Variants in RBFOX3 observed in about 807,000 individuals in gnomAD.
RBFOX3 encodes the protein RNA binding protein fox-1 homolog 3.
In RBFOX3, 17 loss-of-function variants were observed where a neutral mutation model predicts 48.7. The observed-to-expected ratio is 0.35, with a 90% CI of 0.24 to 0.52. The LOEUF (loss-of-function observed/expected upper bound fraction) is 0.52. RBFOX3 is among the 20% of genes least tolerant of loss of function. The pLI is 0.94. For synonymous variants in RBFOX3, 212 were observed against 209.5 expected (o/e 1.01, Z -0.10); for missense variants, 382 against 497.5 (o/e 0.77, Z 2.21).
chr17:79,308,587 C>T (rs1485428237), intron 2 of RBFOX3, among the ~76,000 whole-genome samples: 1 of 152,084 alleles, frequency 6.6e-6, no homozygotes, highest in East Asian at 1.9e-4. Context: ...TGCCATGGTC[C>T]GAGTGTTTCT....
intron 2 of RBFOX3, among the ~76,000 whole-genome samples, chr17:79,414,442 C>A (rs1010215476): frequency 6.6e-6 from 1 of 152,216 alleles, no homozygotes; most frequent in Non-Finnish European, 1.5e-5. Flanking sequence ...CCCCACAAAG[C>A]CCCTCAGCGT....
At chr17:79,589,946 C>G (rs2093368610) in intron 1 of RBFOX3, among the ~76,000 whole-genome samples, 1 of 152,110 alleles carries the variant, frequency 6.6e-6, no homozygotes, top group South Asian at 2.1e-4. Context: ...GAAAATGAAG[C>G]CCTCAGATTA....
At chr17:79,490,847 C>T (rs2149587412) in intron 1 of RBFOX3, among the ~76,000 whole-genome samples, 1 of 150,984 alleles carries the variant, frequency 6.6e-6, no homozygotes, top group Non-Finnish European at 1.5e-5. Flanking sequence ...GCTAAGCCAT[C>T]GAGAATGGTG....
At chr17:79,514,583 C>A (rs1387379298) in intron 1 of RBFOX3, among the ~76,000 whole-genome samples, 1 of 152,218 alleles carries the variant, frequency 6.6e-6, no homozygotes, top group Non-Finnish European at 1.5e-5. Flanking sequence ...TTTGTGGCCA[C>A]TGCCCGACAG....
chr17:79,423,126 G>A lies in RBFOX3; in HGVS notation c.-175+59328C>T, dbSNP rs1449587569. The stretch of plus-strand genomic sequence containing the variant: ...TCTCCTTCCAGACTCCAGACTCTTG[G>A]GTCCAGTGGCCAACTAGTCACCCCC... On this transcript the variant is annotated intron_variant, in intron 2 of 14. Coordinates refer to ENST00000693108, the MANE Select transcript of RBFOX3 (RefSeq NM_001350451.2). This position sits in a 1 kb window ranked among gnomAD's most constrained non-coding sequence, Gnocchi z 4.9. Among the ~76,000 whole-genome samples the A allele has an allele frequency of 6.6e-6, 1 of 152,068 alleles. No homozygotes were observed. The highest frequency in any genetic ancestry group is 1.5e-5 in the Non-Finnish European group (1 of 67,998).
intron 1 of RBFOX3, among the ~76,000 whole-genome samples, chr17:79,503,531 G>A (rs1338921138): frequency 6.6e-6 from 1 of 152,144 alleles, no homozygotes; most frequent in East Asian, 1.9e-4. Context: ...CCTCTGCCTC[G>A]CACGTGGTCT....
chr17:79,186,635 C>T (rs1360146986), intron 4 of RBFOX3, among the ~76,000 whole-genome samples: 5 of 151,980 alleles, frequency 3.3e-5, no homozygotes, highest in East Asian at 1.9e-4. Context: ...AGGGAGGCTG[C>T]GTGCTGGGAA....
intron 2 of RBFOX3, among the ~76,000 whole-genome samples, chr17:79,453,881 G>A (rs1362538104): frequency 1.3e-5 from 2 of 152,162 alleles, no homozygotes; most frequent in Non-Finnish European, 2.9e-5. Context: ...GGAGAGGAAA[G>A]GGGGCTGACT....
intron 1 of RBFOX3, among the ~76,000 whole-genome samples, chr17:79,512,978 CATGTTACCATCGG>C (rs2084661669): frequency 6.8e-6 from 1 of 147,270 alleles, no homozygotes; most frequent in African/African-American, 2.6e-5. Flanking sequence ...CACCCAGATA[CATGTTACCATCGG>C]GTACAGCCCC....
At chr17:79,551,387 G>C (rs887589716) in intron 1 of RBFOX3, among the ~76,000 whole-genome samples, 9 of 152,246 alleles carry the variant, frequency 5.9e-5, no homozygotes, top group African/African-American at 1.9e-4. Context: ...CAATGTTGGA[G>C]GTGGGGCCTG....
In RBFOX3 at chr17:79,390,069, G is replaced by A. The variant is rs1375385573; in HGVS notation, c.-174-82245C>T. On this transcript the variant is annotated intron_variant, in intron 2 of 14. Coordinates refer to ENST00000693108, the MANE Select transcript of RBFOX3 (RefSeq NM_001350451.2). This position sits in a 1 kb window ranked among gnomAD's most constrained non-coding sequence, Gnocchi z 4.2. ...AGGTCTCCGCAGCCGCCGGGTCTCC[G>A]CAGCCTCCGGGTCTCCGCAGCCTCC... Among the ~76,000 whole-genome samples the A allele has an allele frequency of 7.3e-5, 11 of 150,856 alleles. No individual in the cohort carries two copies. Among genetic ancestry groups the A allele is most frequent in the South Asian group, 4.2e-4 (2 of 4,778 alleles).
chr17:79,197,388 C>CTTTTTTTTTTTTTT (rs72118967), intron 4 of RBFOX3, among the ~76,000 whole-genome samples: 1 of 112,804 alleles, frequency 8.9e-6, no homozygotes, highest in African/African-American at 3.1e-5. Flanking sequence ...TTCTTTCTTT[C>CTTTTTTTTTTTTTT]TTTTTTTTTT....
chr17:79,351,198 T>C (rs1297693469), intron 2 of RBFOX3, among the ~76,000 whole-genome samples: 1 of 152,240 alleles, frequency 6.6e-6, no homozygotes, highest in Admixed American at 6.5e-5. Context: ...CTTTGGCTGC[T>C]GTGAACGATG....
At chr17:79,144,467 T>C (rs1241023270) in intron 4 of RBFOX3, among the ~76,000 whole-genome samples, 2 of 152,128 alleles carry the variant, frequency 1.3e-5, no homozygotes, top group African/African-American at 4.8e-5. Context: ...AGAAGCTCTT[T>C]CCTGGTGTGG....
chr17:79,482,866 C>T lies in RBFOX3; in HGVS notation c.-319-268G>A, dbSNP rs1439458566. On this transcript the variant is annotated intron_variant, in intron 1 of 14. Transcript: ENST00000693108. This position sits in a 1 kb window ranked among gnomAD's most constrained non-coding sequence, Gnocchi z 4.1. ...CCACCGTGCAGTCCATCCCAGGGTC[C>T]GCCCCTCTCCCAGCCCGCTTGCAAT... 6.6e-6 allele frequency among the ~76,000 whole-genome samples: 1 copy of T among 151,916 alleles called. No individual in the cohort carries two copies. The highest frequency in any genetic ancestry group is 2.4e-5 in the African/African-American group (1 of 41,328).
At chr17:79,264,024 C>T (rs1011606476) in intron 3 of RBFOX3, among the ~76,000 whole-genome samples, 1 of 151,692 alleles carries the variant, frequency 6.6e-6, no homozygotes, top group African/African-American at 2.4e-5. Context: ...ATGCCTGGAG[C>T]CCCTAGAAGC....
chr17:79,496,062 A>G (rs1424979677), intron 1 of RBFOX3, among the ~76,000 whole-genome samples: 1 of 151,840 alleles, frequency 6.6e-6, no homozygotes, highest in Non-Finnish European at 1.5e-5. Flanking sequence ...GGGGACTGCG[A>G]CCTTAATAGA....
At chr17:79,485,412 C>A (rs1412837866) in intron 1 of RBFOX3, among the ~76,000 whole-genome samples, 1 of 152,082 alleles carries the variant, frequency 6.6e-6, no homozygotes, top group Non-Finnish European at 1.5e-5. Flanking sequence ...AAGACAGGGT[C>A]GGGAGATGTG....
intron 3 of RBFOX3, among the ~76,000 whole-genome samples, chr17:79,290,875 C>T (rs921752202): frequency 2.6e-5 from 4 of 152,152 alleles, no homozygotes; most frequent in Admixed American, 6.5e-5. Context: ...ACCCTGGCTG[C>T]GTTCTCCCAG....
Sources: allele counts gnomAD v4.1 joint callset (sites outside exome capture counted in the v4.1 genomes callset), GRCh38; gene constraint gnomAD v4.1.1; non-coding constraint Gnocchi (gnomAD v3.1); transcripts MANE v1.5; gene names NCBI Gene and HGNC (gene_info 2026-07-23, HGNC 2026-07-21).